Variants in ALDH1L1 observed in about 807,000 individuals in gnomAD.
ALDH1L1 encodes the protein cytosolic 10-formyltetrahydrofolate dehydrogenase.
Under a neutral mutation model 101.1 loss-of-function variants are expected in ALDH1L1, and 68 were observed. The observed-to-expected ratio is 0.67, with a 90% CI of 0.55 to 0.82. The LOEUF (loss-of-function observed/expected upper bound fraction) is 0.82, where lower values mean the gene tolerates loss of function less well. Ranked by LOEUF, ALDH1L1 falls within the 40% of genes least tolerant of loss-of-function variation. The probability of loss-of-function intolerance (pLI) is 0.00; values close to 1 mark genes in which losing one functional copy is unlikely to be tolerated. For synonymous variants in ALDH1L1, 486 were observed against 470.8 expected (o/e 1.03, Z -0.42); for missense variants, 1,087 against 1,172.7 (o/e 0.93, Z 1.07).
intron 1 of ALDH1L1, among the ~76,000 whole-genome samples, chr3:126,190,389 C>T (rs542220819): frequency 3.4e-4 from 52 of 152,278 alleles, no homozygotes; most frequent in African/African-American, 1.2e-3. Context: ...TTTGGATCAC[C>T]GTAATGAGCT....
At chr3:126,196,034 C>T (rs1180103055) in intron 1 of ALDH1L1, among the ~76,000 whole-genome samples, 2 of 152,102 alleles carry the variant, frequency 1.3e-5, no homozygotes, top group Admixed American at 6.5e-5. Context: ...ATGGGTGCAG[C>T]ACACCAACAT....
chr3:126,117,452 T>G (rs1259795127), intron 17 of ALDH1L1, among the ~76,000 whole-genome samples: 1 of 151,354 alleles, frequency 6.6e-6, no homozygotes, highest in East Asian at 2.0e-4. Context: ...CCCAGGAGTT[T>G]GAGACCAGTC....
At chr3:126,183,434 AACT>A (rs1444472886), upstream of ALDH1L1, among the ~76,000 whole-genome samples, 2 of 152,206 alleles carry the variant, frequency 1.3e-5, no homozygotes, top group Non-Finnish European at 2.9e-5. Flanking sequence ...CAAGCTGAGA[AACT>A]ATACGGATAT....
At chr3:126,117,003 A>G (rs1180488566) in intron 17 of ALDH1L1, among the ~76,000 whole-genome samples, 2 of 152,196 alleles carry the variant, frequency 1.3e-5, no homozygotes, top group South Asian at 2.1e-4. Flanking sequence ...CACATAGACA[A>G]TGGGACTTTT....
At position 126,152,952 on chromosome 3, in the gene ALDH1L1, C is replaced by CGTGA. The variant is rs10662440; in HGVS notation, c.858+488_858+491dup. Reference sequence around the variant, plus strand: ...GTGCTCCATCAGTGTTTGCTGGTACCGTGAGTTGTAGTCTGCTAATAACAA... The same window carrying CGTGA: ...GTGCTCCATCAGTGTTTGCTGGTACCGTGAGTGAGTTGTAGTCTGCTAATAACAA... On this transcript the variant is annotated intron_variant, in intron 7 of 22. Transcript: ENST00000393434. The CGTGA allele has an allele frequency of 8.9e-3, 2,159 of 243,532 alleles. 52 individuals carry two copies. The highest frequency in any genetic ancestry group is 0.045 in the African/African-American group (2,045 of 45,046). The allele number at this position is 243,532 out of a possible 1,614,324, so 15.1% of individuals were successfully genotyped here.
rs1215888054 is a variant in ALDH1L1, at chr3:126,150,911, GTCCC to G, written c.859-384_859-381del. 1.3e-5 allele frequency: 3 copies of G among 236,058 alleles called. No homozygotes were observed. In the East Asian group the frequency reaches 3.6e-4, roughly 28 times the overall value. The allele number at this position is 236,058 out of a possible 1,614,324, so 14.6% of individuals were successfully genotyped here. ...TCGGACCTGAGGCAGTGATGAAGGT[GTCCC>G]ACAAGGGGTGCTGTGCTGGGCGCTC... is the stretch of plus-strand genomic sequence containing the variant. On this transcript the variant is annotated intron_variant, in intron 7 of 22. Transcript: ENST00000393434.
upstream of ALDH1L1, chr3:126,180,865 T>C: frequency 6.4e-7 from 1 of 1,564,954 alleles, no homozygotes. Flanking sequence ...CTGGCAGTTC[T>C]GAGCGCTGGC....
intron 16 of ALDH1L1, among the ~76,000 whole-genome samples, chr3:126,119,121 C>T (rs145312727): frequency 6.6e-6 from 1 of 152,286 alleles, no homozygotes; most frequent in East Asian, 1.9e-4. Context: ...AAATACCCAG[C>T]ACCTCTGGCT....
chr3:126,181,211 C>A (rs1262947991), upstream of ALDH1L1: 5 of 601,926 alleles, frequency 8.3e-6, no homozygotes, highest in Non-Finnish European at 1.5e-5. Flanking sequence ...TCCCAGAGAT[C>A]CTGGCCAGCC....
chr3:126,118,451 T>C (rs1206684706), intron 16 of ALDH1L1, among the ~76,000 whole-genome samples: 1 of 152,074 alleles, frequency 6.6e-6, no homozygotes, highest in Non-Finnish European at 1.5e-5. Context: ...GCAATGACCA[T>C]GCGAGGACAT....
At chr3:126,177,011 C>T (rs1447553217) in intron 1 of ALDH1L1, among the ~76,000 whole-genome samples, 1 of 152,146 alleles carries the variant, frequency 6.6e-6, no homozygotes. Context: ...CAATGAGATA[C>T]TACTATATGC....
At chr3:126,159,208 A>ATGCACACATGCG (rs1337743614) in intron 2 of ALDH1L1, among the ~76,000 whole-genome samples, 1 of 151,614 alleles carries the variant, frequency 6.6e-6, no homozygotes, top group Non-Finnish European at 1.5e-5. Context: ...TAGCCTCAAT[A>ATGCACACATGCG]TGCACACATG....
chr3:126,187,560 C>T (rs2081528121), intron 1 of ALDH1L1, among the ~76,000 whole-genome samples: 1 of 152,074 alleles, frequency 6.6e-6, no homozygotes, highest in South Asian at 2.1e-4. Context: ...GAAGGCACAC[C>T]TCAGTTTACA....
At chr3:126,193,916 A>G (rs906467717) in intron 1 of ALDH1L1, among the ~76,000 whole-genome samples, 1 of 152,194 alleles carries the variant, frequency 6.6e-6, no homozygotes, top group Non-Finnish European at 1.5e-5. Flanking sequence ...AAGTTCCAGG[A>G]ATTCTTACCC....
chr3:126,105,993 C>T, intron 21 of ALDH1L1, 68 bp from the exon 22 acceptor site: 14 of 1,472,266 alleles, frequency 9.5e-6, no homozygotes, highest in Admixed American at 1.8e-5. Context: ...ACTCCACACC[C>T]CGGCCCACTC....
At chr3:126,155,109 G>A (rs1049914035) in intron 5 of ALDH1L1, among the ~76,000 whole-genome samples, 4 of 152,128 alleles carry the variant, frequency 2.6e-5, no homozygotes, top group Admixed American at 1.3e-4. Context: ...TACGGCTGAC[G>A]TTTTGCCCCC....
At position 126,137,775 on chromosome 3, in the gene ALDH1L1, C is replaced by G. The variant is rs779541196; in HGVS notation, c.1224+38G>C. 2.5e-6 allele frequency: 4 copies of G among 1,602,886 alleles called. No individual in the cohort carries two copies. In the East Asian group the frequency reaches 8.9e-5, roughly 36 times the overall value. On this transcript the variant is annotated intron_variant, in intron 10 of 22. Coordinates refer to ENST00000393434, the MANE Select transcript of ALDH1L1 (RefSeq NM_012190.4). ...AGTCATAGATGCAGCTGCCTGAGGG[C>G]TCTGCAGGGCCTGCTGCAGGGAGGG...
intron 9 of ALDH1L1, among the ~76,000 whole-genome samples, chr3:126,144,300 A>G (rs1355427304): frequency 1.3e-5 from 2 of 152,236 alleles, no homozygotes; most frequent in East Asian, 3.8e-4. Context: ...AGTTATGTAC[A>G]ATTTTTATGC....
In ALDH1L1 at chr3:126,125,654, G is replaced by C. The variant is rs886643076; in HGVS notation, c.1762C>G (p.Leu588Val). ...MMLSWKTAAC[L>V]AAGNTVVIKP... ...ATCACCACTGTGTTCCCGGCAGCCA[G>C]GCAGGCAGCTGTCTTCCAGGACAGC... The change falls in exon 15 of 23, where the codon CTG becomes GTG. Residue 588 changes from leucine (L) to valine (V), a missense_variant. Physicochemically the swap from Leu to Val is conservative, Grantham distance 32. Transcript: ENST00000393434. The C allele has an allele frequency of 1.2e-6, 2 of 1,600,080 alleles. No homozygotes were observed. The highest frequency in any genetic ancestry group is 1.3e-5 in the African/African-American group (1 of 74,434).
Sources: gnomAD v4.1 joint callset for allele counts (sites outside exome capture counted in the v4.1 genomes callset) on GRCh38, gnomAD v4.1.1 for gene constraint, MANE v1.5 for transcripts, NCBI Gene and HGNC (gene_info 2026-07-23, HGNC 2026-07-21) for gene names.